The following RNGTT variants were observed in gnomAD, a reference collection of about 807,000 sequenced individuals.
RNGTT encodes RNA guanylyltransferase and 5'-phosphatase, also known as mRNA-capping enzyme.
In RNGTT, 33 loss-of-function variants were observed where a neutral mutation model predicts 79.3. The ratio of observed to expected loss-of-function variants is 0.42; its 90% CI spans 0.32 to 0.56. The LOEUF (loss-of-function observed/expected upper bound fraction) is 0.56. RNGTT is among the 20% of genes least tolerant of loss of function. The pLI is 0.17. For missense variants in RNGTT, 497 were observed against 739.1 expected (o/e 0.67, Z 3.80); for synonymous variants, 222 against 235.9 (o/e 0.94, Z 0.54).
chr6:88,929,153 A>G lies in RNGTT; in HGVS notation c.278+11T>C, dbSNP rs1358614110. 3 of 1,580,924 alleles carry G rather than the reference A, an allele frequency of 1.9e-6. No homozygotes were observed. The highest frequency in any genetic ancestry group is 2.6e-6 in the Non-Finnish European group (3 of 1,155,752). On this transcript the variant is annotated intron_variant, in intron 3 of 15. Transcript: ENST00000369485. ...GGTTTCAATATTAAAGAATCTTAAT[A>G]TATAACTTACCCTTTACACTGAAGT...
intron 13 of RNGTT, among the ~76,000 whole-genome samples, chr6:88,697,563 A>G (rs1175790350): frequency 6.6e-6 from 1 of 151,122 alleles, no homozygotes; most frequent in Non-Finnish European, 1.5e-5. Flanking sequence ...AAAATAAAAT[A>G]AAAATAAATA....
At chr6:88,802,221 A>G (rs1303334016) in intron 11 of RNGTT, among the ~76,000 whole-genome samples, 1 of 152,158 alleles carries the variant, frequency 6.6e-6, no homozygotes, top group African/African-American at 2.4e-5. Flanking sequence ...ATCCATAAAT[A>G]CATTGTGTTT....
chr6:88,930,082 A>G (rs189623964), intron 2 of RNGTT, among the ~76,000 whole-genome samples: 4 of 119,782 alleles, frequency 3.3e-5, no homozygotes, highest in Non-Finnish European at 7.5e-5. Context: ...ATACATATAC[A>G]TATATACATA....
chr6:88,657,791 C>T (rs1774034707), intron 14 of RNGTT, among the ~76,000 whole-genome samples: 2 of 152,130 alleles, frequency 1.3e-5, no homozygotes, highest in African/African-American at 2.4e-5. Flanking sequence ...TGCCAGCTTT[C>T]CCCACTTGCC....
At chr6:88,738,861 C>CACAG (rs1394748300) in intron 13 of RNGTT, among the ~76,000 whole-genome samples, 5 of 151,776 alleles carry the variant, frequency 3.3e-5, no homozygotes, top group Admixed American at 3.3e-4. Flanking sequence ...CACACACACA[C>CACAG]ACACACACCC....
chr6:88,951,377 G>A (rs1027359419), intron 1 of RNGTT, among the ~76,000 whole-genome samples: 3 of 152,124 alleles, frequency 2.0e-5, no homozygotes, highest in African/African-American at 7.2e-5. Flanking sequence ...CAGGGTTGGG[G>A]AGAATTGACT....
intron 4 of RNGTT, among the ~76,000 whole-genome samples, chr6:88,907,020 T>C (rs1051041423): frequency 5.9e-5 from 9 of 152,184 alleles, no homozygotes; most frequent in Non-Finnish European, 1.0e-4. Context: ...GATAGATATA[T>C]AGTACAATAA....
intron 14 of RNGTT, among the ~76,000 whole-genome samples, chr6:88,658,680 C>G (rs988710426): frequency 6.6e-6 from 1 of 152,130 alleles, no homozygotes; most frequent in Admixed American, 6.5e-5. Flanking sequence ...GCAGACCTAC[C>G]CTCAATTCAA....
intron 11 of RNGTT, among the ~76,000 whole-genome samples, chr6:88,835,835 T>G (rs186079560): frequency 6.6e-6 from 1 of 151,852 alleles, no homozygotes; most frequent in Non-Finnish European, 1.5e-5. Context: ...CCAGAAAGTT[T>G]TAGAAAGTAT....
intron 11 of RNGTT, among the ~76,000 whole-genome samples, chr6:88,826,782 T>C (rs1381058047): frequency 9.0e-6 from 1 of 110,880 alleles, no homozygotes; most frequent in Non-Finnish European, 1.9e-5. Flanking sequence ...AAACCCTGTC[T>C]CAAAAGAAAA....
intron 13 of RNGTT, among the ~76,000 whole-genome samples, chr6:88,725,816 G>A (rs1776878600): frequency 6.6e-6 from 1 of 152,146 alleles, no homozygotes; most frequent in African/African-American, 2.4e-5. Context: ...CCCTCCCCTA[G>A]GGGAAGGGGA....
intron 6 of RNGTT, among the ~76,000 whole-genome samples, chr6:88,901,940 A>T (rs1214320462): frequency 2.6e-5 from 4 of 152,216 alleles, no homozygotes. Context: ...TAGAAGGAAA[A>T]CTATCCAAAA....
intron 7 of RNGTT, 71 bp from the exon 8 acceptor site, chr6:88,890,667 T>G (rs1783020815): frequency 1.1e-6 from 1 of 894,892 alleles, no homozygotes; most frequent in East Asian, 2.7e-5. Context: ...TAAACCAATC[T>G]CAAATGAATC....
intron 13 of RNGTT, among the ~76,000 whole-genome samples, chr6:88,729,930 G>A (rs1226704145): frequency 6.6e-6 from 1 of 152,152 alleles, no homozygotes; most frequent in Non-Finnish European, 1.5e-5. Flanking sequence ...TTCCCTCGCA[G>A]CTGTAATGGG....
At chr6:88,808,451 A>G (rs1002412508) in intron 11 of RNGTT, among the ~76,000 whole-genome samples, 29 of 152,212 alleles carry the variant, frequency 1.9e-4, no homozygotes, top group African/African-American at 7.0e-4. Flanking sequence ...AATGATGGCA[A>G]GACAAAAGGA....
At chr6:88,900,881 C>G (rs1027987755) in intron 6 of RNGTT, among the ~76,000 whole-genome samples, 1 of 151,538 alleles carries the variant, frequency 6.6e-6, no homozygotes, top group Non-Finnish European at 1.5e-5. Context: ...ATGGCTCACG[C>G]CTATAATGCT....
intron 13 of RNGTT, among the ~76,000 whole-genome samples, chr6:88,689,797 T>G (rs539662550): frequency 6.6e-6 from 1 of 151,436 alleles, no homozygotes; most frequent in Non-Finnish European, 1.5e-5. Flanking sequence ...GGTATTAAAA[T>G]TAGAAAATGA....
intron 13 of RNGTT, among the ~76,000 whole-genome samples, chr6:88,706,084 C>A (rs991528953): frequency 6.6e-6 from 1 of 152,024 alleles, no homozygotes; most frequent in Non-Finnish European, 1.5e-5. Context: ...TGCCAATATT[C>A]CTTGAGTCCA....
chr6:88,833,824 C>T (rs1394030902), intron 11 of RNGTT, among the ~76,000 whole-genome samples: 3 of 152,088 alleles, frequency 2.0e-5, no homozygotes, highest in Non-Finnish European at 2.9e-5. Flanking sequence ...GAGTTTGAGA[C>T]CAGCCTGGCC....
Sources: allele counts gnomAD v4.1 joint callset (sites outside exome capture counted in the v4.1 genomes callset), GRCh38; gene constraint gnomAD v4.1.1; transcripts MANE v1.5; gene names NCBI Gene and HGNC (gene_info 2026-07-23, HGNC 2026-07-21).